The following FHIT variants were observed in gnomAD, a reference collection of about 807,000 sequenced individuals.
FHIT encodes fragile histidine triad diadenosine triphosphatase.
A neutral mutation model predicts 17.9 loss-of-function variants in FHIT; 19 were observed. The ratio of observed to expected loss-of-function variants is 1.06; its 90% CI spans 0.74 to 1.56. The LOEUF is 1.56. Ranked by LOEUF, FHIT falls within the 40% of genes most tolerant of loss-of-function variation. The probability of loss-of-function intolerance (pLI) is 0.00; values close to 1 mark genes in which losing one functional copy is unlikely to be tolerated. For missense variants in FHIT, 248 were observed against 189.2 expected, an observed-to-expected ratio of 1.31 and a Z score of -1.82; for synonymous variants, 81 against 69.7, an observed-to-expected ratio of 1.16 and a Z score of -0.81.
chr3:60,518,318 A>T (rs190611341), intron 5 of FHIT, among the ~76,000 whole-genome samples: 1 of 152,370 alleles, frequency 6.6e-6, no homozygotes, highest in Admixed American at 6.5e-5. Flanking sequence ...TAGAAAAAGA[A>T]GCAAAGCACC....
At position 61,218,784 on chromosome 3, in the gene FHIT, T is replaced by G. The variant is rs565937805; in HGVS notation, c.-212-18119A>C. ...AATGCACTACTTTATCGTGTGTTTA[T>G]GTTTTCTCACCCTAATTAGAATCTA... On this transcript the variant is annotated intron_variant, in intron 1 of 9. Transcript: ENST00000492590. Among the ~76,000 whole-genome samples, 75 of 152,350 alleles carry G rather than the reference T, an allele frequency of 4.9e-4. No individual in the cohort carries two copies. The South Asian group carries it at 0.015, about 30-fold the overall frequency.
chr3:60,319,025 C>CA (rs974866745), intron 5 of FHIT, among the ~76,000 whole-genome samples: 2 of 152,078 alleles, frequency 1.3e-5, no homozygotes, highest in African/African-American at 4.8e-5. Flanking sequence ...CTTCCTCCTG[C>CA]CTTCCTCTTC....
intron 5 of FHIT, among the ~76,000 whole-genome samples, chr3:60,275,023 C>T (rs942932252): frequency 6.6e-6 from 1 of 152,034 alleles, no homozygotes; most frequent in Non-Finnish European, 1.5e-5. Flanking sequence ...GAGAAACTTT[C>T]TTTTCATTCA....
intron 5 of FHIT, among the ~76,000 whole-genome samples, chr3:60,325,960 A>C (rs1709673030): frequency 6.6e-6 from 1 of 152,190 alleles, no homozygotes; most frequent in African/African-American, 2.4e-5. Context: ...TCCGCATTCA[A>C]AGGGGAACAT....
intron 3 of FHIT, among the ~76,000 whole-genome samples, chr3:60,930,770 C>A (rs1376732618): frequency 2.7e-4 from 41 of 152,252 alleles, no homozygotes; most frequent in African/African-American, 9.6e-4. Context: ...GTTGGTGGGA[C>A]TGTAAACTAG....
rs1045850815 is a variant in FHIT, at chr3:60,960,895, G to C, written c.-111+81152C>G. On this transcript the variant is annotated intron_variant, in intron 3 of 9. Coordinates refer to ENST00000492590, the MANE Select transcript of FHIT (RefSeq NM_002012.4). The stretch of plus-strand genomic sequence containing the variant: ...GTAAATAGTGCCACAATAAACACAC[G>C]TGTGCATGTGTCTTTATAGCAGCAT... 2.0e-5 allele frequency among the ~76,000 whole-genome samples: 3 copies of C among 152,180 alleles called. 1 individual carries two copies. The highest frequency in any genetic ancestry group is 4.1e-4 in the South Asian group (2 of 4,830).
intron 7 of FHIT, among the ~76,000 whole-genome samples, chr3:60,010,956 A>G (rs1250850844): frequency 6.6e-6 from 1 of 152,156 alleles, no homozygotes; most frequent in Non-Finnish European, 1.5e-5. Context: ...TTATTGCTTC[A>G]CTCAAAAACA....
intron 4 of FHIT, among the ~76,000 whole-genome samples, chr3:60,570,326 T>C (rs1414931798): frequency 6.6e-6 from 1 of 152,182 alleles, no homozygotes; most frequent in African/African-American, 2.4e-5. Flanking sequence ...TTTAAAGAAT[T>C]ACACTGCAAC....
At chr3:60,801,556 A>C (rs1701187534) in intron 4 of FHIT, among the ~76,000 whole-genome samples, 1 of 152,232 alleles carries the variant, frequency 6.6e-6, no homozygotes, top group Admixed American at 6.5e-5. Flanking sequence ...TCATTGGCTC[A>C]TCTTAGGTGT....
intron 8 of FHIT, among the ~76,000 whole-genome samples, chr3:59,875,139 C>T (rs1179838885): frequency 6.6e-6 from 1 of 152,076 alleles, no homozygotes; most frequent in Non-Finnish European, 1.5e-5. Flanking sequence ...TGCTTTGATC[C>T]AACACTGACA....
At chr3:60,206,624 G>A (rs1452777129) in intron 5 of FHIT, among the ~76,000 whole-genome samples, 1 of 152,178 alleles carries the variant, frequency 6.6e-6, no homozygotes, top group Non-Finnish European at 1.5e-5. Context: ...ACGGAATGCA[G>A]GACCCCTTGT....
chr3:60,345,051 C>T (rs1027242176), intron 5 of FHIT, among the ~76,000 whole-genome samples: 6 of 152,162 alleles, frequency 3.9e-5, no homozygotes, highest in African/African-American at 1.4e-4. Context: ...TTATGAAAAT[C>T]ATATGCTTTA....
chr3:60,214,408 T>C (rs1447186502), intron 5 of FHIT, among the ~76,000 whole-genome samples: 1 of 152,164 alleles, frequency 6.6e-6, no homozygotes, highest in African/African-American at 2.4e-5. Context: ...AAGCATAGTA[T>C]TCTATGCTTG....
chr3:60,000,501 CT>C (rs1168284436), intron 7 of FHIT, among the ~76,000 whole-genome samples: 1 of 152,134 alleles, frequency 6.6e-6, no homozygotes. Context: ...CAAAAGAAGT[CT>C]GCCAACCCCT....
intron 5 of FHIT, among the ~76,000 whole-genome samples, chr3:60,373,798 C>G (rs1306053894): frequency 1.3e-5 from 2 of 152,150 alleles, no homozygotes; most frequent in Non-Finnish European, 2.9e-5. Context: ...GCTCCTATTC[C>G]TATTTCAAAC....
intron 7 of FHIT, among the ~76,000 whole-genome samples, chr3:59,994,418 C>T (rs550983628): frequency 3.9e-5 from 6 of 152,032 alleles, no homozygotes; most frequent in Non-Finnish European, 8.8e-5. Context: ...GTTCTCTTGA[C>T]ACCATTTCTG....
intron 3 of FHIT, among the ~76,000 whole-genome samples, chr3:60,974,375 T>G (rs991284016): frequency 2.0e-5 from 3 of 152,202 alleles, no homozygotes; most frequent in African/African-American, 4.8e-5. Context: ...GAAATGAGCA[T>G]GTGATCTACA....
chr3:60,736,476 T>G (rs1359405464), intron 4 of FHIT, among the ~76,000 whole-genome samples: 1 of 152,154 alleles, frequency 6.6e-6, no homozygotes, highest in East Asian at 1.9e-4. Context: ...AGAAATGAAG[T>G]TCTGTTACAT....
At chr3:61,040,822 T>C (rs543924037) in intron 3 of FHIT, among the ~76,000 whole-genome samples, 16 of 152,182 alleles carry the variant, frequency 1.1e-4, no homozygotes, top group Middle Eastern at 3.4e-3. Flanking sequence ...TATACCTTAT[T>C]CCCCCGATGG....
Sources: gnomAD v4.1 joint callset for allele counts (sites outside exome capture counted in the v4.1 genomes callset) on GRCh38, gnomAD v4.1.1 for gene constraint, MANE v1.5 for transcripts, NCBI Gene and HGNC (gene_info 2026-07-23, HGNC 2026-07-21) for gene names.